The following GSAP variants were observed in gnomAD, a reference collection of about 807,000 sequenced individuals.
GSAP encodes the protein gamma-secretase activating protein.
Under a neutral mutation model 131.7 loss-of-function variants are expected in GSAP, and 118 were observed. That is an observed-to-expected ratio of 0.90 (90% CI 0.77 to 1.04). The LOEUF (loss-of-function observed/expected upper bound fraction) is 1.04. Ranked by LOEUF, GSAP falls within the 50% of genes least tolerant of loss-of-function variation. GSAP has a pLI of 0.00. For missense variants in GSAP, 1,019 were observed against 1,013.2 expected, an observed-to-expected ratio of 1.01 and a Z score of -0.08; for synonymous variants, 381 against 363.4, an observed-to-expected ratio of 1.05 and a Z score of -0.55.
intron 5 of GSAP, among the ~76,000 whole-genome samples, chr7:77,392,953 C>T (rs1393290655): frequency 6.6e-6 from 1 of 152,088 alleles, no homozygotes; most frequent in African/African-American, 2.4e-5. Context: ...AATGCAACTC[C>T]ACAGGGGAGG....
At chr7:77,372,550 T>C (rs766783017) in intron 12 of GSAP, among the ~76,000 whole-genome samples, 1 of 152,218 alleles carries the variant, frequency 6.6e-6, no homozygotes, top group Non-Finnish European at 1.5e-5. Flanking sequence ...ACTGGTTAGG[T>C]GTTATGATGT....
rs375595494 is a variant in GSAP, at chr7:77,402,616, A to AAAAAAAAAAAAAAT, written c.243+1942_243+1943insATTTTTTTTTTTTT. Among the ~76,000 whole-genome samples, 159 of 80,480 alleles carry AAAAAAAAAAAAAAT rather than the reference A, an allele frequency of 2.0e-3. 20 individuals are homozygous for AAAAAAAAAAAAAAT. The highest frequency in any genetic ancestry group is 3.3e-3 in the Non-Finnish European group (120 of 36,844). The allele number at this position is 80,480 out of a possible 152,430, so 52.8% of individuals were successfully genotyped here. A position where few individuals can be genotyped will look rare whatever the true frequency, so the allele number is the denominator to read the frequency against. ...CTCAAAAAAAAAAAAAAAAAAAAAA[A>AAAAAAAAAAAAAAT]GAATTTTAAAGCCCATCTAGATTTG... On this transcript the variant is annotated intron_variant, in intron 3 of 30. Coordinates refer to ENST00000257626, the MANE Select transcript of GSAP (RefSeq NM_017439.4).
At chr7:77,368,915 G>A (rs901844397) in intron 12 of GSAP, among the ~76,000 whole-genome samples, 1 of 152,058 alleles carries the variant, frequency 6.6e-6, no homozygotes, top group South Asian at 2.1e-4. Flanking sequence ...TGCTCTTAAG[G>A]GTGTATCCAG....
Position 77,360,889 on chromosome 7 carries a change from G to A in GSAP, c.962C>T (p.Thr321Ile). 6.3e-7 allele frequency: 1 copy of A among 1,591,288 alleles called. No individual in the cohort carries two copies. The highest frequency in any genetic ancestry group is 8.6e-7 in the Non-Finnish European group (1 of 1,159,578). ...AACATTCTCAAGAGAAGTGGTGAAG[G>A]TCTTGCTGTGTCCTGCAAAGAGAGA... ...VFYIHKGHSK[T>I]FTTSLENVGS... Residue 321 changes from threonine (T) to isoleucine (I), a missense_variant, in exon 14 of 31, where the codon ACC becomes ATC. Physicochemically the swap from Thr to Ile is moderately conservative, Grantham distance 89 (BLOSUM62 -1). Coordinates refer to ENST00000257626, the MANE Select transcript of GSAP (RefSeq NM_017439.4).
At chr7:77,343,813 C>T (rs1232482974) in intron 19 of GSAP, among the ~76,000 whole-genome samples, 1 of 152,164 alleles carries the variant, frequency 6.6e-6, no homozygotes, top group Admixed American at 6.5e-5. Flanking sequence ...CATTTCATAA[C>T]CTCTTCCATA....
At chr7:77,400,295 A>AG (rs1801108310) in intron 3 of GSAP, among the ~76,000 whole-genome samples, 1 of 152,066 alleles carries the variant, frequency 6.6e-6, no homozygotes, top group Non-Finnish European at 1.5e-5. Context: ...ACTCCCACCC[A>AG]GACCCAGTAG....
At chr7:77,340,219 T>C (rs1416368021) in intron 19 of GSAP, among the ~76,000 whole-genome samples, 1 of 152,164 alleles carries the variant, frequency 6.6e-6, no homozygotes, top group African/African-American at 2.4e-5. Flanking sequence ...AATTTTCCAC[T>C]ACCCACCCAA....
At chr7:77,376,610 C>CA (rs1443154845) in intron 10 of GSAP, among the ~76,000 whole-genome samples, 2 of 151,636 alleles carry the variant, frequency 1.3e-5, no homozygotes, top group South Asian at 2.1e-4. Context: ...CCTGTCTCTA[C>CA]AAAAAATACA....
intron 19 of GSAP, among the ~76,000 whole-genome samples, chr7:77,345,464 A>G (rs1173195423): frequency 6.6e-6 from 1 of 152,222 alleles, no homozygotes; most frequent in Non-Finnish European, 1.5e-5. Flanking sequence ...CAGGCCTCTG[A>G]GCCCAAGCTA....
intron 8 of GSAP, chr7:77,380,194 G>C (rs928413442): frequency 6.6e-6 from 1 of 152,244 alleles, no homozygotes; most frequent in Non-Finnish European, 1.5e-5. Context: ...CACAGACTAA[G>C]ATAATATGCT....
intron 14 of GSAP, among the ~76,000 whole-genome samples, chr7:77,357,944 G>T (rs1458079616): frequency 6.6e-6 from 1 of 152,182 alleles, no homozygotes; most frequent in East Asian, 1.9e-4. Context: ...TAACTAGCCT[G>T]ATTTGATCAT....
chr7:77,361,041 G>A (rs1794460855), intron 13 of GSAP, 140 bp from the exon 14 acceptor site: 2 of 593,844 alleles, frequency 3.4e-6, no homozygotes, highest in Non-Finnish European at 6.2e-6. Context: ...AGATTTCATG[G>A]TTCCCCTCAT....
intron 12 of GSAP, among the ~76,000 whole-genome samples, chr7:77,371,304 C>G (rs1203918833): frequency 6.6e-6 from 1 of 152,190 alleles, no homozygotes; most frequent in African/African-American, 2.4e-5. Context: ...GCATCCCAAA[C>G]CCATCTAGTT....
chr7:77,383,498 A>C (rs1354973023), intron 6 of GSAP, among the ~76,000 whole-genome samples: 1 of 152,210 alleles, frequency 6.6e-6, no homozygotes, highest in Admixed American at 6.5e-5. Flanking sequence ...TCATGGTGCC[A>C]CATGAGTTGA....
intron 14 of GSAP, 128 bp downstream of exon 14, chr7:77,360,696 G>C (rs1794406122): frequency 1.7e-6 from 1 of 593,270 alleles, no homozygotes; most frequent in African/African-American, 1.9e-5. Context: ...ATTTCAAGTG[G>C]GTCATTGATT....
At chr7:77,350,538 C>T (rs1451087327) in intron 18 of GSAP, among the ~76,000 whole-genome samples, 1 of 148,948 alleles carries the variant, frequency 6.7e-6, no homozygotes, top group African/African-American at 2.5e-5. Flanking sequence ...GAGTTTGAGA[C>T]CGACCTGGCC....
intron 1 of GSAP, among the ~76,000 whole-genome samples, chr7:77,409,718 C>A (rs1410602260): frequency 6.6e-6 from 1 of 152,076 alleles, no homozygotes. Flanking sequence ...GAGATCGTCG[C>A]AAAAGTACAG....
At chr7:77,373,592 T>C (rs771175069) in intron 12 of GSAP, among the ~76,000 whole-genome samples, 4 of 152,236 alleles carry the variant, frequency 2.6e-5, no homozygotes, top group Non-Finnish European at 4.4e-5. Context: ...ATTTTTTCTA[T>C]CTATGAAAAC....
intron 28 of GSAP, 42 bp from the exon 29 acceptor site, chr7:77,312,244 T>G: frequency 1.1e-6 from 1 of 911,428 alleles, no homozygotes; most frequent in Non-Finnish European, 1.7e-6. Context: ...TACCACACAC[T>G]ATATTAAGTA....
Sources: allele counts gnomAD v4.1 joint callset (sites outside exome capture counted in the v4.1 genomes callset), GRCh38; gene constraint gnomAD v4.1.1; transcripts MANE v1.5; gene names NCBI Gene and HGNC (gene_info 2026-07-23, HGNC 2026-07-21).